Variants in AOX1 observed in about 807,000 individuals in gnomAD.
AOX1 encodes aldehyde oxidase.
A neutral mutation model predicts 169.5 loss-of-function variants in AOX1; 153 were observed. That is an observed-to-expected ratio of 0.90 (90% CI 0.79 to 1.03). The LOEUF (loss-of-function observed/expected upper bound fraction) is 1.03, where lower values mean the gene tolerates loss of function less well. Among genes scored for constraint, AOX1 ranks in the 50% least tolerant of loss-of-function variants. The probability of loss-of-function intolerance (pLI) is 0.00; values close to 1 mark genes in which losing one functional copy is unlikely to be tolerated. For synonymous variants in AOX1, 562 were observed against 581.9 expected, an observed-to-expected ratio of 0.97 and a Z score of 0.49; for missense variants, 1,656 against 1,663.9, an observed-to-expected ratio of 1.00 and a Z score of 0.08.
chr2:200,604,007 C>G lies in AOX1; in HGVS notation c.589-10C>G. On this transcript the variant is annotated splice_polypyrimidine_tract_variant and intron_variant, in intron 7 of 34. Coordinates refer to ENST00000374700, the MANE Select transcript of AOX1 (RefSeq NM_001159.4). ...CGATAACAGTAATTTCTGATATGTT[C>G]TCTTTTTAGACAAGTCCAAAACTCT... 6.3e-7 allele frequency: 1 copy of G among 1,586,858 alleles called. No homozygotes were observed. Among genetic ancestry groups the G allele is most frequent in the South Asian group, 1.1e-5 (1 of 90,414 alleles).
chr2:200,604,197 G>T, intron 8 of AOX1, 100 bp downstream of exon 8: 1 of 844,222 alleles, frequency 1.2e-6, no homozygotes, highest in South Asian at 1.5e-5. Flanking sequence ...TTGGCAAATA[G>T]GTGAGGCCTC....
At chr2:200,632,567 T>G (rs1206048392) in intron 20 of AOX1, among the ~76,000 whole-genome samples, 1 of 152,074 alleles carries the variant, frequency 6.6e-6, no homozygotes, top group East Asian at 1.9e-4. Context: ...GTCTATTGTA[T>G]ATACTGGTAT....
At chr2:200,643,530 T>C (rs1405764707) in intron 25 of AOX1, among the ~76,000 whole-genome samples, 1 of 152,138 alleles carries the variant, frequency 6.6e-6, no homozygotes, top group Non-Finnish European at 1.5e-5. Context: ...CAGGTGCAAG[T>C]ATCTTTTTCG....
At chr2:200,665,017 G>A (rs374974747) in intron 31 of AOX1, among the ~76,000 whole-genome samples, 102 of 152,262 alleles carry the variant, frequency 6.7e-4, no homozygotes, top group African/African-American at 2.3e-3. Context: ...CTCCATCATA[G>A]CGTTGTTGAC....
At position 200,621,253 on chromosome 2, in the gene AOX1, C is replaced by A. The variant is rs749634752; in HGVS notation, c.2001+7C>A. On this transcript the variant is annotated splice_region_variant and intron_variant, in intron 18 of 34. Transcript: ENST00000374700. ...ATTTCTGGCGACAGATAAGGTACTG[C>A]ATTTTTGCTTTCTATTTGAAAAATA... 1 of 1,607,238 alleles carries A rather than the reference C, an allele frequency of 6.2e-7. No homozygotes were observed. The highest frequency in any genetic ancestry group is 8.5e-7 in the Non-Finnish European group (1 of 1,178,244).
In AOX1 at chr2:200,636,046, G is replaced by C. The variant is rs182758911; in HGVS notation, c.2347-865G>C. ...CCCTAATCATTAGGATGGCAGAAAA[G>C]AGTGAGATCTGCATCTAGGAAAGAC... On this transcript the variant is annotated intron_variant, in intron 21 of 34. Transcript: ENST00000374700. 3.4e-3 allele frequency among the ~76,000 whole-genome samples: 483 copies of C among 141,844 alleles called. 4 individuals are homozygous for C. The highest frequency in any genetic ancestry group is 0.012 in the African/African-American group (449 of 38,858). The allele number at this position is 141,844 out of a possible 152,430, so 93.1% of individuals were successfully genotyped here. A position where few individuals can be genotyped will look rare whatever the true frequency, so the allele number is the denominator to read the frequency against.
intron 18 of AOX1, among the ~76,000 whole-genome samples, chr2:200,622,923 C>A (rs2034916431): frequency 6.6e-6 from 1 of 152,212 alleles, no homozygotes; most frequent in South Asian, 2.1e-4. Flanking sequence ...CCAGCTTCAA[C>A]AGTTATCAAC....
At chr2:200,619,112 C>T (rs914967215) in intron 16 of AOX1, among the ~76,000 whole-genome samples, 4 of 152,200 alleles carry the variant, frequency 2.6e-5, no homozygotes, top group African/African-American at 7.2e-5. Context: ...CTTTTCTCCC[C>T]GCTCAGATGC....
At chr2:200,657,191 T>TATATATATATATATATATA (rs1491522418) in intron 27 of AOX1, among the ~76,000 whole-genome samples, 2 of 45,500 alleles carry the variant, frequency 4.4e-5, no homozygotes, top group Non-Finnish European at 8.5e-5. Flanking sequence ...TATATATATA[T>TATATATATATATATATATA]TTTTTTTTTT....
chr2:200,612,463 C>A (rs2034658791), intron 13 of AOX1, 146 bp from the exon 14 acceptor site: 3 of 736,266 alleles, frequency 4.1e-6, no homozygotes, highest in Admixed American at 4.9e-5. Context: ...AGGTGATGCT[C>A]AACACACACA....
At chr2:200,630,510 G>A (rs1429272275) in intron 20 of AOX1, among the ~76,000 whole-genome samples, 1 of 142,378 alleles carries the variant, frequency 7.0e-6, no homozygotes, top group Non-Finnish European at 1.5e-5. Flanking sequence ...GCAACAGTGA[G>A]ACTGTCAAAA....
chr2:200,638,347 A>G (rs1177365548), intron 23 of AOX1, 45 bp downstream of exon 23: 2 of 1,565,178 alleles, frequency 1.3e-6, no homozygotes, highest in Admixed American at 3.3e-5. Context: ...TTGTAGATAC[A>G]ACATCCTATC....
chr2:200,624,584 A>G (rs1461535051), intron 19 of AOX1, among the ~76,000 whole-genome samples: 5 of 152,218 alleles, frequency 3.3e-5, no homozygotes, highest in Non-Finnish European at 5.9e-5. Context: ...GGTGAGGACC[A>G]ACAGGATGTT....
chr2:200,642,900 G>A (rs531941428), intron 25 of AOX1, 99 bp downstream of exon 25: 11 of 1,218,878 alleles, frequency 9.0e-6, no homozygotes, highest in Non-Finnish European at 1.3e-5. Context: ...ACCCAGAGGG[G>A]CAAATGATTT....
chr2:200,660,642 A>G (rs903375608), intron 29 of AOX1, among the ~76,000 whole-genome samples: 1 of 152,240 alleles, frequency 6.6e-6, no homozygotes, highest in African/African-American at 2.4e-5. Flanking sequence ...ATAGTTTATC[A>G]ACTACCAGAT....
chr2:200,592,205 C>T (rs919756744), intron 1 of AOX1, among the ~76,000 whole-genome samples: 1 of 152,094 alleles, frequency 6.6e-6, no homozygotes, highest in Non-Finnish European at 1.5e-5. Flanking sequence ...TTCTATATTG[C>T]GGACTCTTCT....
rs192778591 is a variant in AOX1, at chr2:200,618,482, C to T, written c.1705-2168C>T. Among the ~76,000 whole-genome samples, 640 of 152,256 alleles carry T rather than the reference C, an allele frequency of 4.2e-3. 1 individual carries two copies. Among genetic ancestry groups the T allele is most frequent in the Non-Finnish European group, 4.6e-3 (315 of 67,996 alleles). The stretch of plus-strand genomic sequence containing the variant: ...ACTTTCTGTGCATAGTTGTCAGCCA[C>T]AATTTGGTTGACATTTTACTTCTTG... On this transcript the variant is annotated intron_variant, in intron 16 of 34. Transcript: ENST00000374700.
chr2:200,615,334 A>C (rs191189630), intron 15 of AOX1, among the ~76,000 whole-genome samples: 17 of 152,304 alleles, frequency 1.1e-4, no homozygotes, highest in Non-Finnish European at 2.1e-4. Flanking sequence ...AAATTATGTA[A>C]ATTAGAAAAA....
intron 25 of AOX1, among the ~76,000 whole-genome samples, chr2:200,643,389 A>ACG: frequency 7.1e-6 from 1 of 140,844 alleles, no homozygotes; most frequent in East Asian, 3.6e-4. Context: ...ATATATATAC[A>ACG]CACACACACA....
Sources: allele counts gnomAD v4.1 joint callset (sites outside exome capture counted in the v4.1 genomes callset), GRCh38; gene constraint gnomAD v4.1.1; transcripts MANE v1.5; gene names NCBI Gene and HGNC (gene_info 2026-07-23, HGNC 2026-07-21).